ARHGEF26: variants seen among roughly 807,000 people sequenced by gnomAD.
The protein encoded by ARHGEF26 is Rho guanine nucleotide exchange factor 26, also known as Rho guanine nucleotide exchange factor (GEF) 26.
A neutral mutation model predicts 89.4 loss-of-function variants in ARHGEF26; 59 were observed. That is an observed-to-expected ratio of 0.66 (90% CI 0.54 to 0.82). The LOEUF (loss-of-function observed/expected upper bound fraction) is 0.82. ARHGEF26 is among the 40% of genes least tolerant of loss of function. The pLI is 0.00. For synonymous variants in ARHGEF26, 500 were observed against 428.4 expected (o/e 1.17, Z -2.06); for missense variants, 1,234 against 1,085.6 (o/e 1.14, Z -1.92).
At chr3:154,164,430 A>G (rs981213178) in intron 6 of ARHGEF26, among the ~76,000 whole-genome samples, 5 of 122,758 alleles carry the variant, frequency 4.1e-5, no homozygotes, top group African/African-American at 1.3e-4. Flanking sequence ...GATGAATGGT[A>G]TTTGTTAAAG....
chr3:154,127,626 A>G (rs1388870834), intron 3 of ARHGEF26, among the ~76,000 whole-genome samples: 1 of 146,266 alleles, frequency 6.8e-6, no homozygotes, highest in Non-Finnish European at 1.5e-5. Context: ...TTTGGTAAGT[A>G]GGAGTGCACT....
rs757313682 is a variant in ARHGEF26, at chr3:154,122,877, G to C, written c.885G>C (p.Glu295Asp). ...GACCCCTGGGTCACGCAGGGGAGGA[G>C]AGTGAGGTCGATAACGACGTGGATA... ...LGGPLGHAGE[E>D]SEVDNDVDSP... The change falls in exon 2 of 15, where the codon GAG (glutamate) becomes GAC (aspartate). Residue 295 changes from glutamate to aspartate, a missense_variant. By Grantham distance (45) the Glu-to-Asp change is conservative (BLOSUM62 2). Transcript: ENST00000465093. The C allele has an allele frequency of 6.2e-7, 1 of 1,612,958 alleles. No individual in the cohort carries two copies. Among genetic ancestry groups the C allele is most frequent in the Admixed American group, 1.7e-5 (1 of 59,856 alleles).
chr3:154,165,559 C>T (rs755179174), intron 6 of ARHGEF26, among the ~76,000 whole-genome samples: 5 of 152,112 alleles, frequency 3.3e-5, no homozygotes, highest in Non-Finnish European at 5.9e-5. Flanking sequence ...ACTTGCCTGC[C>T]TTTATCTATT....
At chr3:154,235,172 G>C (rs1717046224) in intron 11 of ARHGEF26, among the ~76,000 whole-genome samples, 1 of 151,726 alleles carries the variant, frequency 6.6e-6, no homozygotes, top group African/African-American at 2.4e-5. Flanking sequence ...ACCCTTGCTT[G>C]TGTTTTCACT....
At chr3:154,147,131 A>T (rs574518145) in intron 4 of ARHGEF26, among the ~76,000 whole-genome samples, 3 of 152,198 alleles carry the variant, frequency 2.0e-5, no homozygotes, top group Non-Finnish European at 4.4e-5. Flanking sequence ...GAGGCCGGAC[A>T]TGGTGGCTCA....
At chr3:154,156,307 C>T (rs1024354021) in intron 6 of ARHGEF26, among the ~76,000 whole-genome samples, 2 of 151,932 alleles carry the variant, frequency 1.3e-5, no homozygotes, top group African/African-American at 4.8e-5. Context: ...TTACAAAATT[C>T]ATTTAAGGTT....
At chr3:154,138,110 G>A (rs1221839525) in intron 4 of ARHGEF26, among the ~76,000 whole-genome samples, 1 of 152,136 alleles carries the variant, frequency 6.6e-6, no homozygotes, top group Non-Finnish European at 1.5e-5. Flanking sequence ...TGTTATAACT[G>A]CATTAATACA....
chr3:154,136,835 T>A (rs2108064645), intron 4 of ARHGEF26, among the ~76,000 whole-genome samples: 1 of 152,348 alleles, frequency 6.6e-6, no homozygotes, highest in Non-Finnish European at 1.5e-5. Flanking sequence ...ATAAGATTAT[T>A]TTTTTACTTT....
At chr3:154,175,662 C>G (rs1712773130) in intron 6 of ARHGEF26, among the ~76,000 whole-genome samples, 1 of 152,088 alleles carries the variant, frequency 6.6e-6, no homozygotes, top group South Asian at 2.1e-4. Flanking sequence ...TTTCAAAGAC[C>G]ACTTTTGTTT....
chr3:154,245,340 G>A (rs779624008), intron 12 of ARHGEF26, among the ~76,000 whole-genome samples: 1 of 152,072 alleles, frequency 6.6e-6, no homozygotes, highest in Admixed American at 6.5e-5. Flanking sequence ...CAATCCGTAG[G>A]CTTTAAAAAG....
chr3:154,214,588 AT>A (rs1715599943), intron 9 of ARHGEF26, among the ~76,000 whole-genome samples: 1 of 152,204 alleles, frequency 6.6e-6, no homozygotes. Context: ...AGGTTTGGTC[AT>A]GCTGAATTTG....
chr3:154,254,804 T>C lies in ARHGEF26; in HGVS notation c.2453T>C (p.Ile818Thr), dbSNP rs746047577. Residue 818 changes from isoleucine (I) to threonine (T), a missense_variant, in exon 14 of 15, where the codon ATC becomes ACC. Coordinates refer to ENST00000465093, the MANE Select transcript of ARHGEF26 (RefSeq NM_015595.4). The part of the protein sequence containing the change: ...LSLQVADVVL[I>T]YQRVSDGWYE... ...CTGCAGGTGGCTGACGTCGTCCTCA[T>C]CTATCAACGTGTCAGCGATGGTGAG... 5 of 1,613,648 alleles carry C rather than the reference T, an allele frequency of 3.1e-6. No homozygotes were observed. In the Admixed American group the frequency reaches 6.7e-5, roughly 22 times the overall value.
intron 9 of ARHGEF26, among the ~76,000 whole-genome samples, chr3:154,210,697 A>G (rs1184351786): frequency 1.3e-5 from 2 of 150,746 alleles, no homozygotes; most frequent in Non-Finnish European, 3.0e-5. Flanking sequence ...ATCCCAGCAC[A>G]TTGAGAGGCC....
Position 154,256,258 on chromosome 3 carries a change from TG to T in ARHGEF26, c.*786del. 1.0e-6 allele frequency: 1 copy of T among 985,312 alleles called. No individual in the cohort carries two copies. Among genetic ancestry groups the T allele is most frequent in the Non-Finnish European group, 1.2e-6 (1 of 829,838 alleles). The allele number at this position is 985,312 out of a possible 1,614,324, so 61.0% of individuals were successfully genotyped here. On this transcript the variant is annotated 3_prime_UTR_variant, in exon 15 of 15. Coordinates refer to ENST00000465093, the MANE Select transcript of ARHGEF26 (RefSeq NM_015595.4). ...GGGGTCCTACTTTTTTCCCCACCTC[TG>T]TCGCCCAGGCTAGAGTATAGTGGTG...
chr3:154,239,445 G>C (rs907919114), intron 11 of ARHGEF26, among the ~76,000 whole-genome samples: 2 of 151,930 alleles, frequency 1.3e-5, no homozygotes, highest in Non-Finnish European at 2.9e-5. Flanking sequence ...TTATGAGTTA[G>C]AGACTGATGC....
At chr3:154,246,556 G>A (rs758997545) in intron 12 of ARHGEF26, among the ~76,000 whole-genome samples, 25 of 152,134 alleles carry the variant, frequency 1.6e-4, no homozygotes, top group Admixed American at 6.5e-4. Flanking sequence ...TGGATTCAAG[G>A]GGTGGAGACT....
At chr3:154,184,091 G>A (rs1398686799) in intron 6 of ARHGEF26, among the ~76,000 whole-genome samples, 2 of 151,162 alleles carry the variant, frequency 1.3e-5, no homozygotes, top group African/African-American at 4.9e-5. Flanking sequence ...TCCTGCCGCA[G>A]CCTCCCGAGT....
intron 3 of ARHGEF26, among the ~76,000 whole-genome samples, chr3:154,125,725 T>G (rs1032995862): frequency 1.3e-5 from 2 of 152,192 alleles, no homozygotes; most frequent in Non-Finnish European, 2.9e-5. Flanking sequence ...TTTCCTTTTA[T>G]AAGGAGCTGT....
chr3:154,161,474 C>G (rs542691540), intron 6 of ARHGEF26, among the ~76,000 whole-genome samples: 1 of 152,178 alleles, frequency 6.6e-6, no homozygotes, highest in Non-Finnish European at 1.5e-5. Context: ...TAGACAAGTT[C>G]TTTAGTAGCA....
Sources: allele counts gnomAD v4.1 joint callset (sites outside exome capture counted in the v4.1 genomes callset), GRCh38; gene constraint gnomAD v4.1.1; transcripts MANE v1.5; gene names NCBI Gene and HGNC (gene_info 2026-07-23, HGNC 2026-07-21).